Variants in ATP9A observed in about 807,000 individuals in gnomAD.
ATP9A encodes ATPase phospholipid transporting 9A, also known as probable phospholipid-transporting ATPase IIA.
Under a neutral mutation model 144.1 loss-of-function variants are expected in ATP9A, and 52 were observed. The ratio of observed to expected loss-of-function variants is 0.36; its 90% CI spans 0.29 to 0.45. ATP9A has a LOEUF of 0.45. ATP9A is among the 20% of genes least tolerant of loss of function. ATP9A has a pLI of 1.00. For missense variants in ATP9A, 947 were observed against 1,392.7 expected (o/e 0.68, Z 5.09); for synonymous variants, 582 against 557.4 (o/e 1.04, Z -0.62).
At chr20:51,660,579 T>A (rs914049715) in intron 13 of ATP9A, among the ~76,000 whole-genome samples, 1 of 152,244 alleles carries the variant, frequency 6.6e-6, no homozygotes, top group African/African-American at 2.4e-5. Flanking sequence ...TTTCCCACCT[T>A]TCCTACTAAA....
At position 51,604,818 on chromosome 20, in the gene ATP9A, G is replaced by A. The variant is rs577371771; in HGVS notation, c.3006C>T (p.Ile1002=). 30 of 1,497,554 alleles carry A rather than the reference G, an allele frequency of 2.0e-5. No homozygotes were observed. Among genetic ancestry groups the A allele is most frequent in the Admixed American group, 1.3e-4 (6 of 47,746 alleles). The allele number at this position is 1,497,554 out of a possible 1,614,324, so 92.8% of individuals were successfully genotyped here. A position where few individuals can be genotyped will look rare whatever the true frequency, so the allele number is the denominator to read the frequency against. ...GGTTTAAGCATTCAGGGGTCTTACC[G>A]ATGAACTCGTGTAAGAACACCAGGG... ...IASLVFLHEF[I]DVYFIATLSF... is the part of the protein sequence containing the mutation. Residue 1002 remains isoleucine, a splice_region_variant and synonymous_variant, in exon 27 of 28, where the codon ATC becomes ATT. Transcript: ENST00000338821.
chr20:51,755,823 T>C (rs2077853398), intron 1 of ATP9A, among the ~76,000 whole-genome samples: 1 of 151,650 alleles, frequency 6.6e-6, no homozygotes, highest in South Asian at 2.1e-4. Flanking sequence ...GGCGTGGTGG[T>C]GGGCGCCTGT....
intron 14 of ATP9A, among the ~76,000 whole-genome samples, chr20:51,640,846 G>T (rs895490218): frequency 2.0e-5 from 3 of 152,186 alleles, no homozygotes; most frequent in Non-Finnish European, 4.4e-5. Context: ...GCCCTGCAGG[G>T]ACTAGGGCCA....
chr20:51,679,776 A>G (rs140047443), intron 9 of ATP9A, among the ~76,000 whole-genome samples: 76 of 152,324 alleles, frequency 5.0e-4, no homozygotes, highest in African/African-American at 1.7e-3. Context: ...GGTCAGGGCT[A>G]TTCTGTGACC....
chr20:51,722,536 T>A (rs6126328), intron 3 of ATP9A, among the ~76,000 whole-genome samples: 33,146 of 152,002 alleles, frequency 0.22, 4,201 homozygotes, highest in East Asian at 0.44. Flanking sequence ...GACTAAGGAC[T>A]TGAATAGACA....
chr20:51,754,380 G>A (rs1419310973), intron 1 of ATP9A, among the ~76,000 whole-genome samples: 2 of 152,116 alleles, frequency 1.3e-5, no homozygotes, highest in African/African-American at 4.8e-5. Flanking sequence ...GTGCATGCCT[G>A]TAATCCCAGC....
Position 51,694,012 on chromosome 20 carries a change from G to T in ATP9A, c.638C>A (p.Ala213Asp). 6.2e-7 allele frequency: 1 copy of T among 1,612,840 alleles called. No individual in the cohort carries two copies. The change falls in exon 7 of 28, where the codon GCC becomes GAC. Residue 213 changes from alanine (A) to aspartate (D), a missense_variant. Around this residue, in one of 2 missense-constraint regions of ATP9A, gnomAD observed 770 missense variants for 1,047.9 expected, o/e 0.73. Coordinates refer to ENST00000338821, the MANE Select transcript of ATP9A (RefSeq NM_006045.3). ...PVACTQRLPT[A>D]ADLLQIRSYV... ...TCTGCAGGGAAAGCTACTCACGGCG[G>T]CCGTGGGGAGCCTCTGCGTGCAGGC...
At chr20:51,698,216 T>A (rs2077578623) in intron 4 of ATP9A, among the ~76,000 whole-genome samples, 1 of 152,134 alleles carries the variant, frequency 6.6e-6, no homozygotes. Flanking sequence ...AGCAGTGAGT[T>A]CCATTCAACC....
At chr20:51,731,999 G>C (rs1216771165) in intron 1 of ATP9A, among the ~76,000 whole-genome samples, 1 of 152,088 alleles carries the variant, frequency 6.6e-6, no homozygotes, top group Non-Finnish European at 1.5e-5. Context: ...AACCTGGAGA[G>C]AAGCCAGCAC....
chr20:51,687,964 G>A (rs540670494), intron 9 of ATP9A, among the ~76,000 whole-genome samples: 2 of 152,138 alleles, frequency 1.3e-5, no homozygotes, highest in Non-Finnish European at 2.9e-5. Context: ...ATGATATCAC[G>A]AAATGTAAGA....
chr20:51,632,299 CTG>C (rs901423644), intron 15 of ATP9A, among the ~76,000 whole-genome samples: 3 of 152,162 alleles, frequency 2.0e-5, no homozygotes, highest in African/African-American at 2.4e-5. Context: ...CCAGGCTGGA[CTG>C]AAACTCGTTG....
intron 1 of ATP9A, among the ~76,000 whole-genome samples, chr20:51,753,685 G>A (rs542286598): frequency 1.4e-4 from 17 of 123,788 alleles, no homozygotes; most frequent in Admixed American, 5.2e-4. Context: ...TTTTTTTAAT[G>A]AGACTGAGCC....
intron 1 of ATP9A, among the ~76,000 whole-genome samples, chr20:51,752,216 A>AC (rs2077835536): frequency 1.3e-5 from 2 of 152,132 alleles, no homozygotes; most frequent in Admixed American, 1.3e-4. Flanking sequence ...TAGTTAATTA[A>AC]CCCTGCTAAG....
intron 4 of ATP9A, among the ~76,000 whole-genome samples, chr20:51,706,970 T>C (rs1375992460): frequency 6.6e-6 from 1 of 152,154 alleles, no homozygotes; most frequent in African/African-American, 2.4e-5. Flanking sequence ...CACTGGCCTG[T>C]GTGGTCTTCT....
intron 1 of ATP9A, among the ~76,000 whole-genome samples, chr20:51,747,512 A>G (rs2077813832): frequency 1.3e-5 from 2 of 152,196 alleles, no homozygotes; most frequent in South Asian, 4.1e-4. Context: ...AATGGGAAGA[A>G]AAAAAGAAGG....
chr20:51,748,565 C>T (rs546710140), intron 1 of ATP9A, among the ~76,000 whole-genome samples: 7 of 151,840 alleles, frequency 4.6e-5, no homozygotes, highest in African/African-American at 7.3e-5. Flanking sequence ...CTTTTTTTTA[C>T]GACCAAAGTC....
chr20:51,706,618 C>T (rs545876215), intron 4 of ATP9A, among the ~76,000 whole-genome samples: 1 of 152,290 alleles, frequency 6.6e-6, no homozygotes, highest in East Asian at 1.9e-4. Context: ...GGTATAGTGA[C>T]ATGCAACTAT....
At chr20:51,674,386 G>A (rs1184607305) in intron 10 of ATP9A, 73 bp from the exon 11 acceptor site, 4 of 1,518,852 alleles carry the variant, frequency 2.6e-6, no homozygotes, top group Non-Finnish European at 3.6e-6. Context: ...CCAGGAGGTG[G>A]AGGCTGCAGT....
At chr20:51,610,194 C>T (rs754791682) in intron 23 of ATP9A, 29 bp from the exon 24 acceptor site, 162 of 1,556,678 alleles carry the variant, frequency 1.0e-4, no homozygotes, top group Non-Finnish European at 1.4e-4. Context: ...AGGATGTCAC[C>T]AAAAGTCATG....
Sources: allele counts gnomAD v4.1 joint callset (sites outside exome capture counted in the v4.1 genomes callset), GRCh38; gene constraint gnomAD v4.1.1; regional missense constraint gnomAD v4.1.1; transcripts MANE v1.5; gene names NCBI Gene and HGNC (gene_info 2026-07-23, HGNC 2026-07-21).